Variants in ARHGAP19 observed in about 807,000 individuals in gnomAD.
ARHGAP19 encodes Rho GTPase activating protein 19, also known as rho GTPase-activating protein 19.
ARHGAP19 carries 48 observed loss-of-function variants against 60.9 expected under a neutral mutation model. The observed-to-expected ratio is 0.79, with a 90% CI of 0.62 to 1.00. The LOEUF (loss-of-function observed/expected upper bound fraction) is 1.00, where lower values mean the gene tolerates loss of function less well. Ranked by LOEUF, ARHGAP19 falls within the 50% of genes least tolerant of loss-of-function variation. The pLI, the probability that ARHGAP19 is intolerant of heterozygous loss-of-function variation, is 0.00. For synonymous variants in ARHGAP19, 209 were observed against 215.5 expected (o/e 0.97, Z 0.27); for missense variants, 562 against 597.2 (o/e 0.94, Z 0.61).
chr10:97,229,624 G>C (rs1346400399), intron 10 of ARHGAP19, 140 bp downstream of exon 10: 1 of 642,238 alleles, frequency 1.6e-6, no homozygotes, highest in Non-Finnish European at 2.7e-6. Flanking sequence ...ACAGAAAGAA[G>C]GTAGCATAAA....
chr10:97,226,737 T>C (rs534598277), intron 11 of ARHGAP19, among the ~76,000 whole-genome samples: 1 of 152,276 alleles, frequency 6.6e-6, no homozygotes, highest in Admixed American at 6.5e-5. Context: ...ATACAGTAAA[T>C]CATACTAAGT....
In ARHGAP19 at chr10:97,263,523, T is replaced by C. The variant is rs1453814439; in HGVS notation, c.510A>G (p.Glu170=). The C allele has an allele frequency of 1.9e-6, 3 of 1,614,044 alleles. No individual in the cohort carries two copies. The highest frequency in any genetic ancestry group is 2.5e-6 in the Non-Finnish European group (3 of 1,180,030). Residue 170 remains glutamate, a synonymous_variant, in exon 4 of 12, where the codon GAA becomes GAG. Coordinates refer to ENST00000358531, the MANE Select transcript of ARHGAP19 (RefSeq NM_032900.6). ...AAGTGGCAACATCATTTGAGTGAAA[T>C]TCCCCTGATTCCAAGTCAATGTCAG... The part of the protein sequence containing the change: ...NGTDIDLESG[E]FHSNDVATLL...
chr10:97,284,135 G>A (rs937887065), intron 1 of ARHGAP19, among the ~76,000 whole-genome samples: 1 of 151,532 alleles, frequency 6.6e-6, no homozygotes, highest in Non-Finnish European at 1.5e-5. Context: ...TTTGCTTTTT[G>A]TTTTTGAGAC....
At chr10:97,253,483 T>G (rs944261184) in intron 6 of ARHGAP19, among the ~76,000 whole-genome samples, 1 of 151,930 alleles carries the variant, frequency 6.6e-6, no homozygotes, top group African/African-American at 2.4e-5. Context: ...TACCAGATGC[T>G]GGGATAGGTG....
chr10:97,292,410 G>GCCAGACCCCCGCGCCTCAGC (rs1843249255), intron 1 of ARHGAP19, among the ~76,000 whole-genome samples, 162 bp downstream of exon 1: 1 of 152,150 alleles, frequency 6.6e-6, no homozygotes, highest in African/African-American at 2.4e-5. Flanking sequence ...CAGCGCCCAG[G>GCCAGACCCCCGCGCCTCAGC]CCCGACCCCC....
intron 1 of ARHGAP19, among the ~76,000 whole-genome samples, chr10:97,281,896 G>GT (rs1564729054): frequency 6.6e-6 from 1 of 152,088 alleles, no homozygotes; most frequent in African/African-American, 2.4e-5. Context: ...GTTTCTCAGG[G>GT]TTTTTTTAAG....
intron 11 of ARHGAP19, 50 bp downstream of exon 11, chr10:97,229,097 G>A (rs1850953880): frequency 6.7e-7 from 1 of 1,499,244 alleles, no homozygotes; most frequent in Admixed American, 1.7e-5. Context: ...CTGACTAGAT[G>A]CAGAAAGGAA....
chr10:97,249,974 C>T (rs1028114484), intron 6 of ARHGAP19, among the ~76,000 whole-genome samples: 7 of 151,846 alleles, frequency 4.6e-5, no homozygotes, highest in African/African-American at 1.5e-4. Flanking sequence ...TTAGTAGAGA[C>T]GGGGTTTCAC....
chr10:97,265,818 A>G, intron 2 of ARHGAP19, 42 bp downstream of exon 2: 1 of 1,594,362 alleles, frequency 6.3e-7, no homozygotes, highest in Non-Finnish European at 8.6e-7. Context: ...AAGCCCAGGG[A>G]GCAGCTGAGG....
chr10:97,231,489 A>G (rs1851016146), intron 9 of ARHGAP19, among the ~76,000 whole-genome samples: 1 of 152,152 alleles, frequency 6.6e-6, no homozygotes, highest in Admixed American at 6.5e-5. Context: ...AGCTCCCCTG[A>G]CAACCAACCA....
intron 1 of ARHGAP19, among the ~76,000 whole-genome samples, chr10:97,274,672 T>C (rs1240584154): frequency 2.0e-5 from 3 of 152,104 alleles, no homozygotes; most frequent in African/African-American, 7.2e-5. Context: ...AGAAACCAAG[T>C]AGTTTTGGCT....
intron 1 of ARHGAP19, among the ~76,000 whole-genome samples, chr10:97,268,404 C>T (rs561161578): frequency 5.9e-5 from 9 of 152,294 alleles, no homozygotes; most frequent in African/African-American, 1.7e-4. Flanking sequence ...GTTCAAAAGT[C>T]GCTTCCACAT....
At position 97,244,021 on chromosome 10, in the gene ARHGAP19, G is replaced by C; in HGVS notation, c.1132C>G (p.Gln378Glu). The C allele has an allele frequency of 6.2e-7, 1 of 1,613,888 alleles. No homozygotes were observed. Among genetic ancestry groups the C allele is most frequent in the Non-Finnish European group, 8.5e-7 (1 of 1,179,932 alleles). ...HTEEALRELF[Q>E]HVHDMPESAK... ...GACTCTGGCATATCATGAACGTGTTGAAACAGCTCTCTCAGTGCCTCTTCC... is the reference window on the plus strand; with the variant it reads ...GACTCTGGCATATCATGAACGTGTTCAAACAGCTCTCTCAGTGCCTCTTCC... Residue 378 changes from glutamine (Q) to glutamate (E), a missense_variant, in exon 8 of 12, where the codon CAA becomes GAA. By Grantham distance (29) the Gln-to-Glu change is conservative. Coordinates refer to ENST00000358531, the MANE Select transcript of ARHGAP19 (RefSeq NM_032900.6).
At chr10:97,272,582 C>T (rs1842974061) in intron 1 of ARHGAP19, among the ~76,000 whole-genome samples, 1 of 152,110 alleles carries the variant, frequency 6.6e-6, no homozygotes, top group Non-Finnish European at 1.5e-5. Context: ...TGTTATGGGA[C>T]TACTCACATT....
At chr10:97,252,578 C>T (rs1269120852) in intron 6 of ARHGAP19, among the ~76,000 whole-genome samples, 1 of 151,762 alleles carries the variant, frequency 6.6e-6, no homozygotes, top group African/African-American at 2.4e-5. Context: ...GAGCTGAGAT[C>T]GCGCCACTGC....
At chr10:97,244,735 CAATG>C (rs1842538461) in intron 7 of ARHGAP19, among the ~76,000 whole-genome samples, 1 of 152,126 alleles carries the variant, frequency 6.6e-6, no homozygotes, top group Non-Finnish European at 1.5e-5. Context: ...TTCCTGGTAA[CAATG>C]AATATTTGCT....
chr10:97,264,830 G>A lies in ARHGAP19; in HGVS notation c.399C>T (p.His133=), dbSNP rs201326609. The A allele has an allele frequency of 1.6e-5, 26 of 1,607,840 alleles. No homozygotes were observed. The highest frequency in any genetic ancestry group is 2.1e-5 in the Non-Finnish European group (25 of 1,174,994). The stretch of plus-strand genomic sequence containing the variant: ...TAAAATTTCAAGTAGTCTTACTTTT[G>A]TGTAGATACTCAATCAGTTGGTATA... ...AQIYQLIEYL[H]KNLRVEGLFR... The change falls in exon 3 of 12, where the codon CAC becomes CAT. Residue 133 remains histidine (H), a synonymous_variant. Coordinates refer to ENST00000358531, the MANE Select transcript of ARHGAP19 (RefSeq NM_032900.6).
At chr10:97,273,120 G>C (rs10466168) in intron 1 of ARHGAP19, among the ~76,000 whole-genome samples, 1 of 151,946 alleles carries the variant, frequency 6.6e-6, no homozygotes, top group East Asian at 1.9e-4. Context: ...GATTACAGGC[G>C]TGAGCCACAG....
intron 1 of ARHGAP19, among the ~76,000 whole-genome samples, chr10:97,291,186 G>T (rs117946945): frequency 6.6e-6 from 1 of 152,064 alleles, no homozygotes; most frequent in African/African-American, 2.4e-5. Context: ...AGCCAGCAAC[G>T]GCCACCCACT....
Sources: gnomAD v4.1 joint callset for allele counts (sites outside exome capture counted in the v4.1 genomes callset) on GRCh38, gnomAD v4.1.1 for gene constraint, MANE v1.5 for transcripts, NCBI Gene and HGNC (gene_info 2026-07-23, HGNC 2026-07-21) for gene names.